Variants in RBFOX1 observed in about 807,000 individuals in gnomAD.
RBFOX1 encodes the protein RNA binding protein fox-1 homolog 1.
Under a neutral mutation model 57.7 loss-of-function variants are expected in RBFOX1, and 8 were observed. That is an observed-to-expected ratio of 0.14 (90% CI 0.08 to 0.25). RBFOX1 has a LOEUF of 0.25. RBFOX1 is among the 10% of genes least tolerant of loss of function. The probability of loss-of-function intolerance (pLI) is 1.00; values close to 1 mark genes in which losing one functional copy is unlikely to be tolerated. For missense variants in RBFOX1, 611 were observed against 548.5 expected (o/e 1.11, Z -1.14); for synonymous variants, 326 against 222.4 (o/e 1.47, Z -4.15).
intron 1 of RBFOX1, among the ~76,000 whole-genome samples, chr16:6,259,871 G>T (rs914892907): frequency 1.1e-4 from 17 of 150,814 alleles, no homozygotes; most frequent in Non-Finnish European, 2.4e-4. Flanking sequence ...TGAGGCAGGA[G>T]AATTGCTTGA....
intron 1 of RBFOX1, among the ~76,000 whole-genome samples, chr16:6,084,899 C>G (rs2096062746): frequency 6.6e-6 from 1 of 152,114 alleles, no homozygotes; most frequent in Admixed American, 6.5e-5. Context: ...CAGATAAGTG[C>G]TCTGAGATGA....
chr16:6,866,221 C>T (rs1475771510), intron 3 of RBFOX1, among the ~76,000 whole-genome samples: 1 of 151,976 alleles, frequency 6.6e-6, no homozygotes, highest in Non-Finnish European at 1.5e-5. Flanking sequence ...AGTGTCTTCT[C>T]ATCATTTTTT....
At chr16:6,326,912 A>G (rs761659537) in intron 2 of RBFOX1, among the ~76,000 whole-genome samples, 10 of 152,166 alleles carry the variant, frequency 6.6e-5, no homozygotes, top group Non-Finnish European at 1.2e-4. Flanking sequence ...TCTTGCATGC[A>G]AAGCTGGGCT....
At chr16:6,793,339 T>G (rs1367272932) in intron 3 of RBFOX1, among the ~76,000 whole-genome samples, 1 of 152,204 alleles carries the variant, frequency 6.6e-6, no homozygotes, top group Non-Finnish European at 1.5e-5. Context: ...TTGAGTTTTT[T>G]TTCCAAAATA....
chr16:5,586,291 G>T (rs868134747), intron 2 of RBFOX1, among the ~76,000 whole-genome samples: 1 of 152,096 alleles, frequency 6.6e-6, no homozygotes, highest in Non-Finnish European at 1.5e-5. Flanking sequence ...CCACTCAGTT[G>T]GTGGCAATTG....
intron 2 of RBFOX1, among the ~76,000 whole-genome samples, chr16:6,450,793 A>ATG (rs2094583682): frequency 6.5e-5 from 1 of 15,462 alleles, no homozygotes; most frequent in Non-Finnish European, 9.3e-5. Context: ...ATATATACAT[A>ATG]TATATATGTA....
chr16:7,710,073 ATTTGGAAGCATTGT>A, intron 15 of RBFOX1: 1 of 1,000,562 alleles, frequency 1.0e-6, no homozygotes, highest in Non-Finnish European at 1.2e-6. Flanking sequence ...TTCAGCCATG[ATTTGGAAGCATTGT>A]TTTGCACAAG....
chr16:5,398,845 A>G lies in RBFOX1; in HGVS notation c.220-68371A>G, dbSNP rs117144104. Among the ~76,000 whole-genome samples the G allele has an allele frequency of 8.5e-5, 13 of 152,298 alleles. No individual in the cohort carries two copies. In the East Asian group the frequency reaches 2.1e-3, roughly 25 times the overall value. On this transcript the variant is annotated intron_variant, in intron 1 of 2. Transcript: ENST00000585867. ...AGGAATTGAATTTGAGTCTAGTTTA[A>G]GTTAAACGTTTGAGGCGTAACCCGC...
intron 2 of RBFOX1, among the ~76,000 whole-genome samples, chr16:5,550,855 G>A (rs1033061002): frequency 5.9e-5 from 9 of 152,170 alleles, no homozygotes; most frequent in Non-Finnish European, 2.9e-5. Flanking sequence ...TATACCAGGT[G>A]CACAGGGCTG....
intron 3 of RBFOX1, among the ~76,000 whole-genome samples, chr16:6,988,827 A>G (rs2090898106): frequency 6.7e-6 from 1 of 150,268 alleles, no homozygotes; most frequent in African/African-American, 2.5e-5. Context: ...GCTGGAGTGC[A>G]ATGGCATAAT....
chr16:5,500,173 C>G (rs947649323), intron 2 of RBFOX1, among the ~76,000 whole-genome samples: 4 of 145,934 alleles, frequency 2.7e-5, no homozygotes, highest in African/African-American at 1.0e-4. Flanking sequence ...CACTCCCTGC[C>G]TCCCTCCCTC....
chr16:7,694,103 A>AAATGCCAAGATAGGTGAG (rs2078044650), intron 14 of RBFOX1, among the ~76,000 whole-genome samples: 1 of 152,192 alleles, frequency 6.6e-6, no homozygotes, highest in African/African-American at 2.4e-5. Context: ...AGATAGGTGA[A>AAATGCCAAGATAGGTGAG]TGCCTTAACA....
At chr16:5,559,677 C>G (rs1052154827) in intron 2 of RBFOX1, among the ~76,000 whole-genome samples, 1 of 152,180 alleles carries the variant, frequency 6.6e-6, no homozygotes, top group African/African-American at 2.4e-5. Context: ...CCTCTTTCCC[C>G]TTGGAATGTA....
intron 2 of RBFOX1, among the ~76,000 whole-genome samples, chr16:5,467,984 G>A (rs970533048): frequency 2.6e-5 from 4 of 152,150 alleles, no homozygotes; most frequent in Non-Finnish European, 4.4e-5. Context: ...GAGTGGATTG[G>A]GGATGGTTTA....
intron 4 of RBFOX1, among the ~76,000 whole-genome samples, chr16:5,990,596 A>G (rs1330419561): frequency 6.6e-6 from 1 of 152,318 alleles, no homozygotes; most frequent in Non-Finnish European, 1.5e-5. Context: ...CCCATGGACT[A>G]TAGCTTTTTC....
chr16:5,579,884 C>T (rs28631105), intron 2 of RBFOX1, among the ~76,000 whole-genome samples: 1 of 151,786 alleles, frequency 6.6e-6, no homozygotes. Flanking sequence ...TTCAGCCTCC[C>T]AAGTAGCTGG....
At chr16:6,312,210 C>T (rs1256301771) in intron 1 of RBFOX1, among the ~76,000 whole-genome samples, 1 of 152,132 alleles carries the variant, frequency 6.6e-6, no homozygotes, top group Non-Finnish European at 1.5e-5. Context: ...CACAGGAGCA[C>T]AGAAGTGAGT....
intron 5 of RBFOX1, among the ~76,000 whole-genome samples, chr16:7,554,868 A>C (rs956464704): frequency 2.0e-5 from 3 of 152,188 alleles, no homozygotes; most frequent in African/African-American, 4.8e-5. Flanking sequence ...AGAAGTTGAA[A>C]ATACTTAGCT....
intron 1 of RBFOX1, among the ~76,000 whole-genome samples, chr16:5,443,998 G>A (rs1157047201): frequency 2.0e-5 from 3 of 152,226 alleles, no homozygotes; most frequent in Admixed American, 1.3e-4. Flanking sequence ...CTTGTAATAC[G>A]TTAATAGAGA....
Sources: gnomAD v4.1 joint callset for allele counts (sites outside exome capture counted in the v4.1 genomes callset) on GRCh38, gnomAD v4.1.1 for gene constraint, MANE v1.5 for transcripts, NCBI Gene and HGNC (gene_info 2026-07-23, HGNC 2026-07-21) for gene names.